Variants in TNRC6A observed in about 807,000 individuals in gnomAD.
The protein encoded by TNRC6A is trinucleotide repeat containing adaptor 6A, also known as trinucleotide repeat-containing gene 6A protein.
Under a neutral mutation model 221.2 loss-of-function variants are expected in TNRC6A, and 44 were observed. The ratio of observed to expected loss-of-function variants is 0.20; its 90% CI spans 0.16 to 0.26. TNRC6A has a LOEUF of 0.26. Among genes scored for constraint, TNRC6A ranks in the 10% least tolerant of loss-of-function variants. The probability of loss-of-function intolerance (pLI) is 1.00; values close to 1 mark genes in which losing one functional copy is unlikely to be tolerated. For missense variants in TNRC6A, 2,199 were observed against 2,404.4 expected, an observed-to-expected ratio of 0.91 and a Z score of 1.79; for synonymous variants, 847 against 838.5, an observed-to-expected ratio of 1.01 and a Z score of -0.18.
chr16:24,777,690 AT>A (rs1276271362), intron 5 of TNRC6A, among the ~76,000 whole-genome samples: 1 of 152,174 alleles, frequency 6.6e-6, no homozygotes, highest in Non-Finnish European at 1.5e-5. Context: ...ATATTATTGC[AT>A]TTAATCTTCA....
At chr16:24,618,584 A>G (rs1435989450) in intron 1 of TNRC6A, among the ~76,000 whole-genome samples, 1 of 151,704 alleles carries the variant, frequency 6.6e-6, no homozygotes, top group Non-Finnish European at 1.5e-5. Flanking sequence ...AAGGAAAACA[A>G]TGGGACCTCT....
chr16:24,745,795 TCC>T (rs4038329), intron 2 of TNRC6A, among the ~76,000 whole-genome samples: 54,698 of 118,448 alleles, frequency 0.46, 11,931 homozygotes, highest in African/African-American at 0.49. Context: ...GTATGTACCA[TCC>T]CCCCCCCCCC....
chr16:24,713,699 T>G (rs1003018776), intron 2 of TNRC6A, among the ~76,000 whole-genome samples: 1 of 152,080 alleles, frequency 6.6e-6, no homozygotes. Flanking sequence ...CATCTTGGAG[T>G]GCAGTGGCAT....
chr16:24,624,220 A>G (rs917255722), intron 1 of TNRC6A, among the ~76,000 whole-genome samples: 13 of 152,188 alleles, frequency 8.5e-5, no homozygotes, highest in Non-Finnish European at 1.3e-4. Context: ...AGAGCACGCA[A>G]ACCCAAATGT....
chr16:24,773,548 GTACA>G (rs968136624), intron 4 of TNRC6A, among the ~76,000 whole-genome samples: 1 of 152,190 alleles, frequency 6.6e-6, no homozygotes, highest in African/African-American at 2.4e-5. Context: ...GTGCACGCGT[GTACA>G]TGCATGCATG....
intron 2 of TNRC6A, chr16:24,661,440 A>T (rs1195392179): frequency 6.9e-6 from 1 of 144,608 alleles, no homozygotes; most frequent in Non-Finnish European, 1.5e-5. Flanking sequence ...TTGGAGACAG[A>T]GTCTCACTCT....
Position 24,693,288 on chromosome 16 carries a change from C to CAA in TNRC6A, n.402+52291_402+52292dup, listed in dbSNP as rs879405678. Among the ~76,000 whole-genome samples, 136 of 132,670 alleles carry CAA rather than the reference C, an allele frequency of 1.0e-3. 1 individual carries two copies. Among genetic ancestry groups the CAA allele is most frequent in the Middle Eastern group, 3.8e-3 (1 of 262 alleles). 87.0% of individuals were successfully genotyped at this position (132,670 alleles called of 152,430 possible). A position where few individuals can be genotyped will look rare whatever the true frequency, so the allele number is the denominator to read the frequency against. The stretch of plus-strand genomic sequence containing the variant: ...TAAGCAAAGTGAGATCCAGTCTCTA[C>CAA]AAAAAAAAAAAAATTAGGCCAGACG... On this transcript the variant is annotated intron_variant and non_coding_transcript_variant, in intron 2 of 2. Transcript: ENST00000566108.
intron 18 of TNRC6A, among the ~76,000 whole-genome samples, chr16:24,812,877 CT>C (rs71383720): frequency 0.16 from 12,124 of 74,828 alleles, 282 homozygotes; most frequent in East Asian, 0.22. Context: ...ACCTCTTGGG[CT>C]TTTTTTTTTT....
chr16:24,799,164 CAA>C (rs2058281246), intron 11 of TNRC6A, among the ~76,000 whole-genome samples: 1 of 152,178 alleles, frequency 6.6e-6, no homozygotes, highest in South Asian at 2.1e-4. Context: ...ACTAAGAAAC[CAA>C]ACCTCTCCTC....
intron 5 of TNRC6A, among the ~76,000 whole-genome samples, chr16:24,779,381 C>T (rs2057792045): frequency 6.6e-6 from 1 of 152,120 alleles, no homozygotes; most frequent in African/African-American, 2.4e-5. Flanking sequence ...ACTTTTGTCT[C>T]TTAAAAAATT....
chr16:24,669,349 T>G (rs2055241851), intron 2 of TNRC6A, among the ~76,000 whole-genome samples: 1 of 151,972 alleles, frequency 6.6e-6, no homozygotes, highest in South Asian at 2.1e-4. Flanking sequence ...ATTAGCTGAG[T>G]GTGGCAGCGT....
At chr16:24,806,132 C>T in intron 15 of TNRC6A, 74 bp from the exon 16 acceptor site, 2 of 1,553,342 alleles carry the variant, frequency 1.3e-6, no homozygotes, top group Admixed American at 1.7e-5. Context: ...GTAGGTCCAT[C>T]TGCTGTCGTC....
chr16:24,790,627 T>A lies in TNRC6A; in HGVS notation c.1985T>A (p.Val662Glu). Residue 662 changes from valine (V) to glutamate (E), a missense_variant, in exon 6 of 25, where the codon GTG becomes GAG. Val to Glu is a moderately radical substitution (Grantham distance 121, BLOSUM62 -2). This residue lies in a region of TNRC6A where 1,405 missense variants were observed against 1,400.2 expected (regional missense o/e 1.00). Coordinates refer to ENST00000395799, the MANE Select transcript of TNRC6A (RefSeq NM_014494.4). ...TCTCAGACAAATGAGCAAAGCAGTG[T>A]GTGGGCCAAAACAGGAGGTACAGTG... Reference protein sequence around the residue: ...ATSQTNEQSSVWAKTGGTVES... With the variant: ...ATSQTNEQSSEWAKTGGTVES... 1 of 1,614,108 alleles carries A rather than the reference T, an allele frequency of 6.2e-7. No homozygotes were observed. The highest frequency in any genetic ancestry group is 8.5e-7 in the Non-Finnish European group (1 of 1,180,024).
chr16:24,776,868 G>T (rs2057729282), intron 4 of TNRC6A, 65 bp from the exon 5 acceptor site: 3 of 1,536,082 alleles, frequency 2.0e-6, no homozygotes, highest in Non-Finnish European at 2.6e-6. Flanking sequence ...GAATTTAGAT[G>T]GCTTACTTTG....
chr16:24,754,932 C>G (rs891964895), intron 3 of TNRC6A, among the ~76,000 whole-genome samples: 1 of 152,056 alleles, frequency 6.6e-6, no homozygotes, highest in Non-Finnish European at 1.5e-5. Flanking sequence ...TAAATGAGAC[C>G]TAGGTTTTAG....
At chr16:24,656,338 A>C (rs1330314388) in intron 2 of TNRC6A, among the ~76,000 whole-genome samples, 2 of 151,262 alleles carry the variant, frequency 1.3e-5, no homozygotes, top group African/African-American at 4.9e-5. Context: ...ATGGTGGCGC[A>C]TGCCTGTAAT....
chr16:24,811,419 AAGG>A (rs1204752103), intron 18 of TNRC6A, among the ~76,000 whole-genome samples: 1 of 152,110 alleles, frequency 6.6e-6, no homozygotes, highest in East Asian at 1.9e-4. Flanking sequence ...ACATGTATAG[AAGG>A]AGATTTTTTA....
intron 2 of TNRC6A, among the ~76,000 whole-genome samples, chr16:24,678,265 C>T (rs973468341): frequency 2.0e-5 from 3 of 148,876 alleles, no homozygotes; most frequent in African/African-American, 7.5e-5. Context: ...GAGTTGAGAT[C>T]GTGCCACTAC....
intron 18 of TNRC6A, among the ~76,000 whole-genome samples, chr16:24,809,794 G>A (rs2058506865): frequency 6.6e-6 from 1 of 152,024 alleles, no homozygotes; most frequent in Non-Finnish European, 1.5e-5. Flanking sequence ...AACATTTACT[G>A]GATTTAATTT....
Sources: allele counts gnomAD v4.1 joint callset (sites outside exome capture counted in the v4.1 genomes callset), GRCh38; gene constraint gnomAD v4.1.1; regional missense constraint gnomAD v4.1.1; transcripts MANE v1.5; gene names NCBI Gene and HGNC (gene_info 2026-07-23, HGNC 2026-07-21).